PUM2: variants seen among roughly 807,000 people sequenced by gnomAD.
PUM2 encodes pumilio RNA binding family member 2, also known as pumilio homolog 2.
In PUM2, 57 loss-of-function variants were observed where a neutral mutation model predicts 124.5. The ratio of observed to expected loss-of-function variants is 0.46; its 90% CI spans 0.37 to 0.57. The LOEUF (loss-of-function observed/expected upper bound fraction) is 0.57. PUM2 is among the 20% of genes least tolerant of loss of function. The pLI, the probability that PUM2 is intolerant of heterozygous loss-of-function variation, is 0.00. For synonymous variants in PUM2, 460 were observed against 446.1 expected, an observed-to-expected ratio of 1.03 and a Z score of -0.39; for missense variants, 1,065 against 1,290.6, an observed-to-expected ratio of 0.83 and a Z score of 2.68.
At chr2:20,306,736 T>G (rs878888987) in intron 7 of PUM2, among the ~76,000 whole-genome samples, 1 of 151,220 alleles carries the variant, frequency 6.6e-6, no homozygotes, top group African/African-American at 2.4e-5. Flanking sequence ...GACACCCAAG[T>G]AGACGGGATT....
At chr2:20,304,435 TA>T (rs1677731304) in intron 7 of PUM2, among the ~76,000 whole-genome samples, 1 of 152,236 alleles carries the variant, frequency 6.6e-6, no homozygotes, top group African/African-American at 2.4e-5. Flanking sequence ...TTAATATTTT[TA>T]AATGGTTCAA....
At chr2:20,319,843 G>T (rs1374411194) in intron 2 of PUM2, among the ~76,000 whole-genome samples, 1 of 152,198 alleles carries the variant, frequency 6.6e-6, no homozygotes, top group South Asian at 2.1e-4. Context: ...AGGGAATAGA[G>T]AAGAGTTAGC....
chr2:20,351,908 A>G (rs1180325740), upstream of PUM2, among the ~76,000 whole-genome samples: 1 of 152,126 alleles, frequency 6.6e-6, no homozygotes, highest in Non-Finnish European at 1.5e-5. Flanking sequence ...GTTTTTAACT[A>G]TTACTGAAAA....
At chr2:20,319,959 G>C (rs1405901747) in intron 2 of PUM2, among the ~76,000 whole-genome samples, 1 of 152,194 alleles carries the variant, frequency 6.6e-6, no homozygotes, top group Non-Finnish European at 1.5e-5. Flanking sequence ...AGAGGGCCAA[G>C]AGAGCAAGAA....
intron 12 of PUM2, 70 bp downstream of exon 12, chr2:20,282,877 T>A (rs1159991296): frequency 2.7e-6 from 4 of 1,462,742 alleles, no homozygotes; most frequent in Non-Finnish European, 3.7e-6. Flanking sequence ...TTATTGCTTA[T>A]TTTAATGTTA....
In PUM2 at chr2:20,283,004, T is replaced by C. The variant is rs1464923899; in HGVS notation, c.1663A>G (p.Ser555Gly). The C allele has an allele frequency of 1.2e-6, 2 of 1,614,112 alleles. No homozygotes were observed. The highest frequency in any genetic ancestry group is 1.7e-6 in the Non-Finnish European group (2 of 1,180,018). The change falls in exon 12 of 21, where the codon AGT (serine) becomes GGT (glycine). Residue 555 changes from serine (S) to glycine (G), a missense_variant. By Grantham distance (56) the Ser-to-Gly change is moderately conservative. Coordinates refer to ENST00000361078, the MANE Select transcript of PUM2 (RefSeq NM_015317.5). Reference sequence around the variant, plus strand: ...ATAGCAGCACCCAAAGAGTTACCACTTCCAAAGCCAAGAGATGTACTTCCA... The same window carrying C: ...ATAGCAGCACCCAAAGAGTTACCACCTCCAAAGCCAAGAGATGTACTTCCA... ...QPGSTSLGFG[S>G]GNSLGAAIGS...
At chr2:20,276,490 C>T (rs73214393) in intron 13 of PUM2, among the ~76,000 whole-genome samples, 10,221 of 152,072 alleles carry the variant, frequency 0.067, 505 homozygotes, top group African/African-American at 0.15. Context: ...ATCTCTATCT[C>T]ATGATTTCAT....
chr2:20,338,985 T>A (rs1686677405), intron 1 of PUM2, among the ~76,000 whole-genome samples: 1 of 152,172 alleles, frequency 6.6e-6, no homozygotes. Flanking sequence ...CATGATAAAA[T>A]CACACACTTA....
At chr2:20,264,373 T>TATAC (rs1345062580) in intron 13 of PUM2, among the ~76,000 whole-genome samples, 29 of 84,624 alleles carry the variant, frequency 3.4e-4, no homozygotes, top group African/African-American at 1.5e-3. Flanking sequence ...AAAAAATATA[T>TATAC]ATATATATAT....
At chr2:20,340,821 G>T (rs971737750) in intron 1 of PUM2, among the ~76,000 whole-genome samples, 5 of 152,120 alleles carry the variant, frequency 3.3e-5, no homozygotes, top group African/African-American at 1.2e-4. Context: ...AAAAGACCAA[G>T]AATACAGTTC....
At chr2:20,350,343 G>A (rs974477671) in intron 1 of PUM2, 9 of 521,494 alleles carry the variant, frequency 1.7e-5, no homozygotes, top group Non-Finnish European at 2.2e-5. Flanking sequence ...CCGAGGCGGC[G>A]GCCCCGCAGA....
At chr2:20,335,842 C>T (rs1366631273) in intron 1 of PUM2, among the ~76,000 whole-genome samples, 1 of 152,194 alleles carries the variant, frequency 6.6e-6, no homozygotes, top group Non-Finnish European at 1.5e-5. Flanking sequence ...ATTCCAACCC[C>T]ATCATTTAGA....
intron 10 of PUM2, 67 bp from the exon 11 acceptor site, chr2:20,283,553 G>A: frequency 1.4e-6 from 2 of 1,480,906 alleles, no homozygotes; most frequent in Non-Finnish European, 1.8e-6. Context: ...GTTTTTCCCT[G>A]CATTTGTATT....
chr2:20,310,369 T>C (rs954240727), intron 5 of PUM2, among the ~76,000 whole-genome samples: 2 of 151,960 alleles, frequency 1.3e-5, no homozygotes, highest in African/African-American at 4.8e-5. Context: ...ATAGAGGACA[T>C]TAGGAAAAAA....
At chr2:20,315,571 CTG>C (rs1680690222) in intron 3 of PUM2, among the ~76,000 whole-genome samples, 1 of 152,202 alleles carries the variant, frequency 6.6e-6, no homozygotes, top group African/African-American at 2.4e-5. Flanking sequence ...AAAAAATTGA[CTG>C]AAATAATAAA....
chr2:20,309,908 AT>A (rs1468939836), intron 5 of PUM2, among the ~76,000 whole-genome samples: 1 of 152,130 alleles, frequency 6.6e-6, no homozygotes, highest in Non-Finnish European at 1.5e-5. Context: ...AAATCAGAAG[AT>A]TTCAAACTCC....
In PUM2 at chr2:20,282,643, G is replaced by C. The variant is rs574973784; in HGVS notation, c.1720+304C>G. On this transcript the variant is annotated intron_variant, in intron 12 of 20. Coordinates refer to ENST00000361078, the MANE Select transcript of PUM2 (RefSeq NM_015317.5). Reference sequence around the variant, plus strand: ...GTGAATGAAGATGAGCTAATAATTAGTGAATAATATATTGACCCAAATAAA... The same window carrying C: ...GTGAATGAAGATGAGCTAATAATTACTGAATAATATATTGACCCAAATAAA... Among the ~76,000 whole-genome samples the C allele has an allele frequency of 9.5e-4, 145 of 152,218 alleles. 2 individuals carry two copies. Among genetic ancestry groups the C allele is most frequent in the African/African-American group, 3.2e-3 (135 of 41,546 alleles).
intron 1 of PUM2, among the ~76,000 whole-genome samples, chr2:20,336,926 A>G (rs1686248955): frequency 6.6e-6 from 1 of 151,828 alleles, no homozygotes; most frequent in Admixed American, 6.6e-5. Flanking sequence ...CTGGCCTAGT[A>G]TTCCTAAATT....
At chr2:20,290,608 C>T in intron 10 of PUM2, 44 bp downstream of exon 10, 3 of 1,553,910 alleles carry the variant, frequency 1.9e-6, no homozygotes, top group South Asian at 1.2e-5. Context: ...CTACACTTAA[C>T]ATCTGAAATC....
Sources: allele counts gnomAD v4.1 joint callset (sites outside exome capture counted in the v4.1 genomes callset), GRCh38; gene constraint gnomAD v4.1.1; transcripts MANE v1.5; gene names NCBI Gene and HGNC (gene_info 2026-07-23, HGNC 2026-07-21).